The following DAB1 variants were observed in gnomAD, a reference collection of about 807,000 sequenced individuals.
DAB1 encodes DAB adaptor protein 1, also known as disabled homolog 1.
A neutral mutation model predicts 64.6 loss-of-function variants in DAB1; 15 were observed. The observed-to-expected ratio is 0.23, with a 90% CI of 0.16 to 0.36. The LOEUF is 0.36. Among genes scored for constraint, DAB1 ranks in the 10% least tolerant of loss-of-function variants. The probability of loss-of-function intolerance (pLI) is 1.00; values close to 1 mark genes in which losing one functional copy is unlikely to be tolerated. For synonymous variants in DAB1, 235 were observed against 251.9 expected, an observed-to-expected ratio of 0.93 and a Z score of 0.64; for missense variants, 596 against 706.7, an observed-to-expected ratio of 0.84 and a Z score of 1.78.
At chr1:57,034,157 G>A (rs1387663671) in intron 9 of DAB1, among the ~76,000 whole-genome samples, 1 of 151,892 alleles carries the variant, frequency 6.6e-6, no homozygotes, top group South Asian at 2.1e-4. Context: ...GCAGGCGCCT[G>A]TAATCCCAGC....
intron 5 of DAB1, among the ~76,000 whole-genome samples, chr1:58,009,870 G>A (rs959636105): frequency 3.3e-5 from 5 of 152,020 alleles, no homozygotes; most frequent in South Asian, 2.1e-4. Context: ...CATCATTGTC[G>A]TCACTGGGAT....
chr1:57,518,159 T>C (rs1644484233), intron 7 of DAB1, among the ~76,000 whole-genome samples: 1 of 152,148 alleles, frequency 6.6e-6, no homozygotes, highest in Non-Finnish European at 1.5e-5. Flanking sequence ...GCAATCTGAA[T>C]CCTTGTGCTA....
At chr1:57,324,454 A>C (rs1675990940) in intron 1 of DAB1, among the ~76,000 whole-genome samples, 1 of 152,196 alleles carries the variant, frequency 6.6e-6, no homozygotes, top group African/African-American at 2.4e-5. Context: ...ATAAAGAAGC[A>C]GTCAATAAAA....
intron 5 of DAB1, among the ~76,000 whole-genome samples, chr1:57,989,855 AAT>A (rs1646304359): frequency 1.3e-5 from 2 of 152,144 alleles, no homozygotes; most frequent in African/African-American, 4.8e-5. Context: ...TTTGAATGAA[AAT>A]ATGTTTGCCA....
intron 1 of DAB1, among the ~76,000 whole-genome samples, chr1:57,363,239 A>G (rs1679697655): frequency 6.6e-6 from 1 of 152,200 alleles, no homozygotes; most frequent in Admixed American, 6.5e-5. Context: ...TGGGGGTTAC[A>G]GACCCCTTTC....
At chr1:58,208,911 C>G (rs1658414952) in intron 4 of DAB1, among the ~76,000 whole-genome samples, 1 of 152,100 alleles carries the variant, frequency 6.6e-6, no homozygotes, top group African/African-American at 2.4e-5. Flanking sequence ...TCCCTCCACC[C>G]CCTAAAACGA....
chr1:57,577,358 T>C (rs753628274), intron 7 of DAB1, among the ~76,000 whole-genome samples: 1 of 151,848 alleles, frequency 6.6e-6, no homozygotes, highest in Non-Finnish European at 1.5e-5. Context: ...GGAGACTCCA[T>C]GTTTGACAGG....
intron 5 of DAB1, among the ~76,000 whole-genome samples, chr1:58,092,636 A>C (rs1384138408): frequency 6.6e-6 from 1 of 152,228 alleles, no homozygotes; most frequent in Non-Finnish European, 1.5e-5. Context: ...TGGCAAAGGA[A>C]AGAGAGTGGC....
intron 4 of DAB1, among the ~76,000 whole-genome samples, chr1:57,090,555 G>T (rs1653558854): frequency 6.6e-6 from 1 of 152,136 alleles, no homozygotes; most frequent in Admixed American, 6.6e-5. Context: ...AGTGAGAAAG[G>T]TTTATTATCA....
At chr1:57,216,889 T>C (rs1275598781) in intron 2 of DAB1, among the ~76,000 whole-genome samples, 1 of 152,246 alleles carries the variant, frequency 6.6e-6, no homozygotes, top group Admixed American at 6.5e-5. Context: ...GTTCTCCTCA[T>C]TCTAAAACCA....
intron 1 of DAB1, among the ~76,000 whole-genome samples, chr1:57,830,672 T>C (rs1652545997): frequency 6.6e-6 from 1 of 152,102 alleles, no homozygotes; most frequent in Non-Finnish European, 1.5e-5. Flanking sequence ...GCCTACAAGA[T>C]TGGTTCTTTG....
chr1:58,151,534 C>T (rs1441277422), intron 4 of DAB1, among the ~76,000 whole-genome samples: 2 of 152,112 alleles, frequency 1.3e-5, no homozygotes, highest in Non-Finnish European at 2.9e-5. Flanking sequence ...AAGTATTCTT[C>T]TCTAAGTCAA....
intron 2 of DAB1, among the ~76,000 whole-genome samples, chr1:57,189,788 T>C (rs1266811277): frequency 6.7e-6 from 1 of 149,874 alleles, no homozygotes; most frequent in Non-Finnish European, 1.5e-5. Context: ...CAAACTCGGG[T>C]ACATGGCCAG....
intron 1 of DAB1, among the ~76,000 whole-genome samples, chr1:57,410,103 G>A (rs769406423): frequency 6.6e-6 from 1 of 152,094 alleles, no homozygotes; most frequent in East Asian, 1.9e-4. Context: ...AAGAAAGGAA[G>A]AATGAAAGGA....
intron 5 of DAB1, among the ~76,000 whole-genome samples, chr1:58,095,206 G>T (rs1013933147): frequency 2.6e-5 from 4 of 152,154 alleles, no homozygotes; most frequent in African/African-American, 4.8e-5. Context: ...CTCAATAAAT[G>T]TTTGATATAT....
chr1:58,192,847 T>C (rs1473467325), intron 4 of DAB1, among the ~76,000 whole-genome samples: 3 of 152,208 alleles, frequency 2.0e-5, no homozygotes, highest in African/African-American at 4.8e-5. Context: ...CTAGATTAAA[T>C]GGTATTTTTA....
chr1:57,380,082 A>T (rs528859383), intron 1 of DAB1, among the ~76,000 whole-genome samples: 2 of 152,236 alleles, frequency 1.3e-5, no homozygotes, highest in Admixed American at 6.5e-5. Context: ...AAGTTTTAAC[A>T]GTCACCAAAT....
intron 5 of DAB1, among the ~76,000 whole-genome samples, chr1:57,914,803 T>C (rs1644701583): frequency 1.3e-5 from 2 of 152,196 alleles, no homozygotes; most frequent in South Asian, 2.1e-4. Context: ...ATATTGAGCC[T>C]GACATAAATG....
chr1:57,681,422 T>C (rs1456165078), intron 6 of DAB1, among the ~76,000 whole-genome samples: 1 of 152,242 alleles, frequency 6.6e-6, no homozygotes, highest in East Asian at 1.9e-4. Context: ...GACTTCAAGA[T>C]ATCTTTTTGT....
Sources: allele counts gnomAD v4.1 joint callset (sites outside exome capture counted in the v4.1 genomes callset), GRCh38; gene constraint gnomAD v4.1.1; transcripts MANE v1.5; gene names NCBI Gene and HGNC (gene_info 2026-07-23, HGNC 2026-07-21).